Variants in PRRG2 observed in about 807,000 individuals in gnomAD.
PRRG2 encodes transmembrane gamma-carboxyglutamic acid protein 2.
A neutral mutation model predicts 27.1 loss-of-function variants in PRRG2; 23 were observed. The ratio of observed to expected loss-of-function variants is 0.85; its 90% CI spans 0.61 to 1.20. The LOEUF (loss-of-function observed/expected upper bound fraction) is 1.20. Ranked by LOEUF, PRRG2 falls within the 50% of genes most tolerant of loss-of-function variation. The pLI is 0.00. For missense variants in PRRG2, 276 were observed against 254.8 expected (o/e 1.08, Z -0.57); for synonymous variants, 104 against 103.4 (o/e 1.01, Z -0.03).
At chr19:49,584,368 C>T (rs2080652944) in intron 4 of PRRG2, among the ~76,000 whole-genome samples, 2 of 152,048 alleles carry the variant, frequency 1.3e-5, no homozygotes, top group African/African-American at 2.4e-5. Context: ...GACGGGGTTT[C>T]ACCGTGTTAG....
In PRRG2 at chr19:49,581,457, G is replaced by T; in HGVS notation, c.-38G>T. On this transcript the variant is annotated 5_prime_UTR_variant, in exon 1 of 7. Coordinates refer to ENST00000246794, the MANE Select transcript of PRRG2 (RefSeq NM_000951.3). ...AAGGAGTTCTCGATTAAAGAGGAAGGGGCAGTGCTCACATTTCTGGGCAGG... is the reference window on the plus strand; with the variant it reads ...AAGGAGTTCTCGATTAAAGAGGAAGTGGCAGTGCTCACATTTCTGGGCAGG... 1 of 152,318 alleles carries T rather than the reference G, an allele frequency of 6.6e-6. No homozygotes were observed. The highest frequency in any genetic ancestry group is 1.5e-5 in the Non-Finnish European group (1 of 68,096). 9.4% of individuals were successfully genotyped at this position (152,318 alleles called of 1,614,324 possible).
chr19:49,587,405 C>A (rs1439338192), intron 4 of PRRG2, among the ~76,000 whole-genome samples: 1 of 150,382 alleles, frequency 6.6e-6, no homozygotes, highest in African/African-American at 2.5e-5. Context: ...CACAATCTCC[C>A]CGGCTCAAGC....
Position 49,590,464 on chromosome 19 carries a change from A to C in PRRG2, c.*75A>C, listed in dbSNP as rs749731081. Reference sequence around the variant, plus strand: ...CGGATTCCGGAAGCCGCTAGGCCTCATAGACGCCGAAGCTGGACTTGGAGT... The same window carrying C: ...CGGATTCCGGAAGCCGCTAGGCCTCCTAGACGCCGAAGCTGGACTTGGAGT... On this transcript the variant is annotated 3_prime_UTR_variant, in exon 7 of 7. Coordinates refer to ENST00000246794, the MANE Select transcript of PRRG2 (RefSeq NM_000951.3). 1.3e-6 allele frequency: 2 copies of C among 1,592,450 alleles called. No homozygotes were observed. Among genetic ancestry groups the C allele is most frequent in the Non-Finnish European group, 1.7e-6 (2 of 1,162,774 alleles).
intron 5 of PRRG2, among the ~76,000 whole-genome samples, chr19:49,589,371 C>T (rs1386583783): frequency 6.6e-6 from 1 of 151,352 alleles, no homozygotes. Context: ...GGTGATCTGC[C>T]CGCCTTGGCC....
intron 4 of PRRG2, among the ~76,000 whole-genome samples, chr19:49,588,166 G>A (rs2080686434): frequency 6.6e-6 from 1 of 151,884 alleles, no homozygotes; most frequent in Non-Finnish European, 1.5e-5. Flanking sequence ...GTTTCACCAT[G>A]TTGGCCAGGC....
At chr19:49,585,268 C>T (rs1456680284) in intron 4 of PRRG2, among the ~76,000 whole-genome samples, 2 of 152,216 alleles carry the variant, frequency 1.3e-5, no homozygotes, top group Non-Finnish European at 2.9e-5. Context: ...CCCTCCGGGC[C>T]TCCGATGCCC....
At chr19:49,589,336 G>A (rs2080696596) in intron 5 of PRRG2, among the ~76,000 whole-genome samples, 1 of 151,660 alleles carries the variant, frequency 6.6e-6, no homozygotes, top group Non-Finnish European at 1.5e-5. Flanking sequence ...ATGTTGGTCA[G>A]GCTGGTTTCG....
Position 49,590,716 on chromosome 19 carries a change from T to C in PRRG2, c.*327T>C. 1 of 438,724 alleles carries C rather than the reference T, an allele frequency of 2.3e-6. No individual in the cohort carries two copies. Among genetic ancestry groups the C allele is most frequent in the East Asian group, 4.6e-5 (1 of 21,816 alleles). 27.2% of individuals were successfully genotyped at this position (438,724 alleles called of 1,614,324 possible). ...GAGCCCAGCCCCGGCTGTGCCATCT[T>C]GTGTATGGGCAGATATGACCTGACA... is the stretch of plus-strand genomic sequence containing the variant. On this transcript the variant is annotated 3_prime_UTR_variant, in exon 7 of 7. Transcript: ENST00000246794.
rs1294884672 is a variant in PRRG2 at position 49,588,680 on chromosome 19, G to A, written c.437+48G>A. The stretch of plus-strand genomic sequence containing the variant: ...GGGGTGGTGGTGGAGAGCAGGGGAG[G>A]GAGGAAGCATTGACCTAAAGGGATG... On this transcript the variant is annotated intron_variant, in intron 5 of 6. Coordinates refer to ENST00000246794, the MANE Select transcript of PRRG2 (RefSeq NM_000951.3). 4.7e-6 allele frequency: 7 copies of A among 1,499,788 alleles called. No individual in the cohort carries two copies. The East Asian group carries it at 1.5e-4, about 32-fold the overall frequency. The allele number at this position is 1,499,788 out of a possible 1,614,324, so 92.9% of individuals were successfully genotyped here.
upstream of PRRG2, chr19:49,581,280 C>T (rs1215274438): frequency 6.6e-6 from 1 of 152,138 alleles, no homozygotes; most frequent in Non-Finnish European, 1.5e-5. Context: ...AATACTTTGT[C>T]CCTTACCTGA....
rs1251442269 is a variant in PRRG2 at position 49,590,428 on chromosome 19, C to T, written c.*39C>T. ...AGACCCGGCTCTCCGAACCGTGCCC[C>T]TGATTCATACCGGATTCCGGAAGCC... On this transcript the variant is annotated 3_prime_UTR_variant, in exon 7 of 7. Transcript: ENST00000246794. 4 of 1,613,356 alleles carry T rather than the reference C, an allele frequency of 2.5e-6. No individual in the cohort carries two copies. The highest frequency in any genetic ancestry group is 1.1e-5 in the South Asian group (1 of 91,068).
At position 49,581,345 on chromosome 19, in the gene PRRG2, C is replaced by G. The variant is rs2080621173; in HGVS notation, c.-150C>G. The G allele has an allele frequency of 6.6e-6, 1 of 152,288 alleles. No individual in the cohort carries two copies. The highest frequency in any genetic ancestry group is 2.1e-4 in the South Asian group (1 of 4,830). 9.4% of individuals were successfully genotyped at this position (152,288 alleles called of 1,614,324 possible). ...CCGCCCACCTGCCAGAAACGGGGAT[C>G]AGGCCTGGTTACCGGGAGTGGGGCG... On this transcript the variant is annotated 5_prime_UTR_variant, in exon 1 of 7. The change creates a new upstream start codon in the 5' untranslated region. Coordinates refer to ENST00000246794, the MANE Select transcript of PRRG2 (RefSeq NM_000951.3).
intron 4 of PRRG2, 52 bp downstream of exon 4, chr19:49,584,004 C>A: frequency 6.5e-7 from 1 of 1,540,222 alleles, no homozygotes; most frequent in Non-Finnish European, 8.8e-7. Flanking sequence ...GTAGTCCCTT[C>A]CCAGCGAGGC....
rs577880919 is a variant in PRRG2 at position 49,585,100 on chromosome 19, G to GCCAGA, written c.301+1155_301+1159dup. 3.3e-5 allele frequency among the ~76,000 whole-genome samples: 5 copies of GCCAGA among 152,300 alleles called. No individual in the cohort carries two copies. The South Asian group carries it at 1.0e-3, about 32-fold the overall frequency. On this transcript the variant is annotated intron_variant, in intron 4 of 6. Coordinates refer to ENST00000246794, the MANE Select transcript of PRRG2 (RefSeq NM_000951.3). ...CTCCTTAGCAACGGGGCCTGGCCAG[G>GCCAGA]CCAGACCAGACGAAGAAGCCTGAAG...
chr19:49,589,682 TTC>T (rs886570798), intron 5 of PRRG2, among the ~76,000 whole-genome samples: 1 of 151,902 alleles, frequency 6.6e-6, no homozygotes, highest in Non-Finnish European at 1.5e-5. Flanking sequence ...GGTTGCTGAT[TTC>T]TGTGTCTACC....
chr19:49,585,440 A>G (rs1005049714), intron 4 of PRRG2, among the ~76,000 whole-genome samples: 5 of 152,304 alleles, frequency 3.3e-5, no homozygotes, highest in East Asian at 3.9e-4. Context: ...AAGGTGCCCA[A>G]TTCAGGAGGA....
chr19:49,590,266 G>T (rs1183413704), intron 6 of PRRG2, 105 bp from the exon 7 acceptor site: 9 of 1,548,710 alleles, frequency 5.8e-6, no homozygotes, highest in Non-Finnish European at 8.0e-6. Flanking sequence ...TGCCCAGAGG[G>T]TCCTGGATTG....
intron 2 of PRRG2, 72 bp downstream of exon 2, chr19:49,583,376 C>T: frequency 6.4e-7 from 1 of 1,552,276 alleles, no homozygotes; most frequent in East Asian, 2.2e-5. Context: ...TGTTTCTAGT[C>T]CTTCCTCTTC....
intron 1 of PRRG2, among the ~76,000 whole-genome samples, chr19:49,582,827 C>T (rs1395016272): frequency 6.6e-6 from 1 of 151,584 alleles, no homozygotes; most frequent in African/African-American, 2.4e-5. Context: ...GAGATCACAC[C>T]AATGCACTCT....
Sources: allele counts gnomAD v4.1 joint callset (sites outside exome capture counted in the v4.1 genomes callset), GRCh38; gene constraint gnomAD v4.1.1; transcripts MANE v1.5; gene names NCBI Gene and HGNC (gene_info 2026-07-23, HGNC 2026-07-21).